Variants in NUDT2 observed in about 807,000 individuals in gnomAD.
NUDT2 encodes nudix hydrolase 2, also known as bis(5'-nucleosyl)-tetraphosphatase [asymmetrical].
A neutral mutation model predicts 14.2 loss-of-function variants in NUDT2; 12 were observed. The ratio of observed to expected loss-of-function variants is 0.84; its 90% confidence interval spans 0.54 to 1.37. The LOEUF (loss-of-function observed/expected upper bound fraction) is 1.37. NUDT2 is among the 40% of genes most tolerant of loss of function. NUDT2 has a pLI of 0.00. For missense variants in NUDT2, 167 were observed against 176.7 expected (o/e 0.95, Z 0.31); for synonymous variants, 67 against 67.4 (o/e 0.99, Z 0.03).
chr9:34,340,950 T>C (rs1266042405), intron 4 of NUDT2, among the ~76,000 whole-genome samples: 1 of 152,180 alleles, frequency 6.6e-6, no homozygotes, highest in South Asian at 2.1e-4. Flanking sequence ...GTGCTGGGAT[T>C]ATAGGCATGA....
chr9:34,330,728 G>A (rs530796224), intron 1 of NUDT2, among the ~76,000 whole-genome samples: 82 of 152,100 alleles, frequency 5.4e-4, no homozygotes, highest in African/African-American at 1.8e-3. Flanking sequence ...TTGGGAGGCC[G>A]AGGCGGGCGG....
At chr9:34,337,092 C>T (rs1263519894) in intron 2 of NUDT2, among the ~76,000 whole-genome samples, 2 of 150,942 alleles carry the variant, frequency 1.3e-5, no homozygotes, top group East Asian at 2.0e-4. Flanking sequence ...CTCCACCTCC[C>T]GGGTTCAAGT....
rs1355517127 is a variant in NUDT2, at chr9:34,343,402, CAAG to C, written c.410_412del (p.Glu137del). On this transcript the variant is annotated inframe_deletion, in exon 5 of 5. Transcript: ENST00000379158. ...GTTCAAGGAGATGAAGGCAGCGCTC[CAAG>C]AAGGACACCAGTTTCTTTGCTCCAT... The C allele has an allele frequency of 3.7e-6, 6 of 1,608,728 alleles. No individual in the cohort carries two copies. The highest frequency in any genetic ancestry group is 2.2e-5 in the South Asian group (2 of 90,660).
chr9:34,337,454 A>G (rs552964125), intron 2 of NUDT2, among the ~76,000 whole-genome samples: 17 of 152,216 alleles, frequency 1.1e-4, no homozygotes, highest in Non-Finnish European at 1.8e-4. Flanking sequence ...CCAACAGTAT[A>G]TGAGAGCACA....
intron 1 of NUDT2, among the ~76,000 whole-genome samples, chr9:34,332,397 T>G (rs916336135): frequency 6.6e-6 from 1 of 152,226 alleles, no homozygotes; most frequent in Non-Finnish European, 1.5e-5. Flanking sequence ...GTAACTTGTC[T>G]GTTGGAATGT....
chr9:34,343,035 GAAAAA>G (rs56783603), intron 4 of NUDT2, 84 bp from the exon 5 acceptor site: 2 of 1,097,424 alleles, frequency 1.8e-6, no homozygotes, highest in Non-Finnish European at 2.5e-6. Context: ...AAGCAAAACA[GAAAAA>G]AAAAAAAATC....
intron 4 of NUDT2, among the ~76,000 whole-genome samples, chr9:34,341,800 G>A (rs970168696): frequency 8.5e-5 from 13 of 152,252 alleles, no homozygotes; most frequent in East Asian, 3.9e-4. Flanking sequence ...ATGAGCCACC[G>A]CCCCTGGACC....
At chr9:34,343,055 C>T in intron 4 of NUDT2, 69 bp from the exon 5 acceptor site, 2 of 1,422,996 alleles carry the variant, frequency 1.4e-6, no homozygotes, top group Non-Finnish European at 9.6e-7. Context: ...AAAATCTTGT[C>T]TGGAAAATCC....
chr9:34,342,834 T>C (rs1410738402), intron 4 of NUDT2, among the ~76,000 whole-genome samples: 1 of 151,866 alleles, frequency 6.6e-6, no homozygotes, highest in Non-Finnish European at 1.5e-5. Flanking sequence ...CTGGGAAATA[T>C]AGTGAGACCC....
chr9:34,343,104 T>G lies in NUDT2; in HGVS notation c.128-20T>G. ...TTGGAAGATTTCCTCCTCCTTTTCTTCCTCTTTTCTCCTAACTAGGCCATG... is the reference window on the plus strand; with the variant it reads ...TTGGAAGATTTCCTCCTCCTTTTCTGCCTCTTTTCTCCTAACTAGGCCATG... On this transcript the variant is annotated intron_variant, in intron 4 of 4. Coordinates refer to ENST00000379158, the MANE Select transcript of NUDT2 (RefSeq NM_001161.5). The G allele has an allele frequency of 6.4e-7, 1 of 1,565,158 alleles. No homozygotes were observed. Among genetic ancestry groups the G allele is most frequent in the Non-Finnish European group, 8.7e-7 (1 of 1,154,792 alleles).
chr9:34,330,083 T>G (rs1043987173), intron 1 of NUDT2, among the ~76,000 whole-genome samples: 3 of 152,306 alleles, frequency 2.0e-5, no homozygotes, highest in Non-Finnish European at 4.4e-5. Context: ...CCCACCGCCT[T>G]AAACAAACAA....
rs775831901 is a variant in NUDT2 at position 34,338,987 on chromosome 9, G to C, written c.-16-37G>C. The C allele has an allele frequency of 3.2e-6, 5 of 1,570,410 alleles. No individual in the cohort carries two copies. The East Asian group carries it at 1.1e-4, about 36-fold the overall frequency. On this transcript the variant is annotated intron_variant, in intron 3 of 4. Transcript: ENST00000379158. ...CCCCCAGTATGGAGCTTCCTATTTTGTGTAACTTCCCAATATTCTGTATCT... is the reference window on the plus strand; with the variant it reads ...CCCCCAGTATGGAGCTTCCTATTTTCTGTAACTTCCCAATATTCTGTATCT...
Position 34,343,437 on chromosome 9 carries a change from C to G in NUDT2, c.441C>G (p.Ala147=). The G allele has an allele frequency of 6.3e-7, 1 of 1,578,494 alleles. No homozygotes were observed. The highest frequency in any genetic ancestry group is 8.6e-7 in the Non-Finnish European group (1 of 1,161,056). ...ACCAGTTTCTTTGCTCCATAGAGGCCTGAGCTGACTGGAGCAGAGTCATTT... is the reference window on the plus strand; with the variant it reads ...ACCAGTTTCTTTGCTCCATAGAGGCGTGAGCTGACTGGAGCAGAGTCATTT... ...EGHQFLCSIE[A] Residue 147 remains alanine, a synonymous_variant, in exon 5 of 5, where the codon GCC becomes GCG. Coordinates refer to ENST00000379158, the MANE Select transcript of NUDT2 (RefSeq NM_001161.5).
intron 4 of NUDT2, among the ~76,000 whole-genome samples, chr9:34,341,240 G>A (rs1252380047): frequency 6.6e-6 from 1 of 152,120 alleles, no homozygotes; most frequent in Non-Finnish European, 1.5e-5. Context: ...TTCCTGCTTC[G>A]GCAGAAGCTA....
intron 1 of NUDT2, among the ~76,000 whole-genome samples, chr9:34,330,038 A>C (rs1326311270): frequency 6.6e-6 from 1 of 152,282 alleles, no homozygotes; most frequent in Non-Finnish European, 1.5e-5. Flanking sequence ...ATATCGTGGC[A>C]GTTATAGCAG....
At chr9:34,343,038 A>G (rs1820232264) in intron 4 of NUDT2, 86 bp from the exon 5 acceptor site, 1 of 1,349,102 alleles carries the variant, frequency 7.4e-7, no homozygotes, top group Non-Finnish European at 1.0e-6. Context: ...CAAAACAGAA[A>G]AAAAAAAAAA....
chr9:34,335,033 G>T (rs919986351), intron 1 of NUDT2, among the ~76,000 whole-genome samples: 1 of 152,330 alleles, frequency 6.6e-6, no homozygotes, highest in East Asian at 1.9e-4. Context: ...CCTTGTTGGT[G>T]AAGGTCATCA....
Position 34,343,193 on chromosome 9 carries a change from A to C in NUDT2, c.197A>C (p.Glu66Ala), listed in dbSNP as rs1252127877. 2 of 1,613,980 alleles carry C rather than the reference A, an allele frequency of 1.2e-6. No individual in the cohort carries two copies. The highest frequency in any genetic ancestry group is 1.7e-6 in the Non-Finnish European group (2 of 1,180,016). Residue 66 changes from glutamate (E) to alanine (A), a missense_variant, in exon 5 of 5, where the codon GAA becomes GCA. Coordinates refer to ENST00000379158, the MANE Select transcript of NUDT2 (RefSeq NM_001161.5). The part of the protein sequence containing the change: ...LRETQEEAGI[E>A]AGQLTIIEGF... ...GAGACCCAAGAGGAAGCAGGCATAG[A>C]AGCAGGCCAGCTGACCATTATTGAG...
intron 2 of NUDT2, among the ~76,000 whole-genome samples, chr9:34,337,995 C>T (rs1838133796): frequency 6.6e-6 from 1 of 151,404 alleles, no homozygotes; most frequent in African/African-American, 2.4e-5. Flanking sequence ...AGGTGTGTGC[C>T]ACCACACCCG....
Sources: allele counts gnomAD v4.1 joint callset (sites outside exome capture counted in the v4.1 genomes callset), GRCh38; gene constraint gnomAD v4.1.1; transcripts MANE v1.5; gene names NCBI Gene and HGNC (gene_info 2026-07-23, HGNC 2026-07-21).